Variants in SNX27 observed in about 807,000 individuals in gnomAD.
The protein encoded by SNX27 is sorting nexin-27.
A neutral mutation model predicts 71.6 loss-of-function variants in SNX27; 22 were observed. The observed-to-expected ratio is 0.31, with a 90% CI of 0.22 to 0.44. The LOEUF is 0.44. Among genes scored for constraint, SNX27 ranks in the 20% least tolerant of loss-of-function variants. The pLI is 1.00. For missense variants in SNX27, 531 were observed against 698.6 expected (o/e 0.76, Z 2.70); for synonymous variants, 269 against 277.2 (o/e 0.97, Z 0.29).
chr1:151,648,085 C>T (rs1669140413), intron 2 of SNX27, among the ~76,000 whole-genome samples: 2 of 151,560 alleles, frequency 1.3e-5, no homozygotes, highest in South Asian at 4.1e-4. Context: ...GGTGGAGTCT[C>T]ACTCTGTCAC....
chr1:151,630,670 CAT>C (rs1558039699), intron 1 of SNX27, among the ~76,000 whole-genome samples: 1 of 152,192 alleles, frequency 6.6e-6, no homozygotes, highest in East Asian at 1.9e-4. Context: ...ATTGCTTACA[CAT>C]GTCTAATCTT....
At chr1:151,644,489 A>T (rs1237849548) in intron 2 of SNX27, among the ~76,000 whole-genome samples, 1 of 152,198 alleles carries the variant, frequency 6.6e-6, no homozygotes, top group Non-Finnish European at 1.5e-5. Flanking sequence ...CATTATATGG[A>T]TATACCACTT....
chr1:151,670,651 G>A (rs1366061358), intron 7 of SNX27, among the ~76,000 whole-genome samples: 2 of 151,848 alleles, frequency 1.3e-5, no homozygotes, highest in Non-Finnish European at 2.9e-5. Context: ...TTCCTGTTGA[G>A]TTGTTTGAGC....
At chr1:151,677,130 T>A (rs1670736648) in intron 7 of SNX27, 1 of 152,196 alleles carries the variant, frequency 6.6e-6, no homozygotes, top group South Asian at 2.1e-4. Flanking sequence ...TAATAATTTT[T>A]AACCCATTTC....
At chr1:151,652,409 T>G (rs1669454465) in intron 2 of SNX27, among the ~76,000 whole-genome samples, 1 of 148,614 alleles carries the variant, frequency 6.7e-6, no homozygotes, top group Non-Finnish European at 1.5e-5. Flanking sequence ...ACGCCTTTTT[T>G]TTTTTTTTTT....
chr1:151,630,749 T>G (rs889221403), intron 1 of SNX27, among the ~76,000 whole-genome samples: 1 of 152,124 alleles, frequency 6.6e-6, no homozygotes, highest in African/African-American at 2.4e-5. Flanking sequence ...AAGAATATTC[T>G]TCGGCCGGGC....
At chr1:151,690,226 A>G (rs1352258834) in intron 8 of SNX27, among the ~76,000 whole-genome samples, 1 of 152,216 alleles carries the variant, frequency 6.6e-6, no homozygotes, top group Non-Finnish European at 1.5e-5. Context: ...CAGCTTCGAT[A>G]GCCTTCGACT....
At chr1:151,651,304 A>G (rs1468759446) in intron 2 of SNX27, among the ~76,000 whole-genome samples, 2 of 137,964 alleles carry the variant, frequency 1.4e-5, no homozygotes, top group African/African-American at 5.6e-5. Flanking sequence ...TCCCTCCCAG[A>G]TGGGGCGGCT....
chr1:151,688,823 A>C (rs1671309383), intron 8 of SNX27, among the ~76,000 whole-genome samples: 1 of 151,812 alleles, frequency 6.6e-6, no homozygotes. Flanking sequence ...GTTTTTTCTG[A>C]TCCTCTCCTG....
Position 151,612,533 on chromosome 1 carries a change from C to T in SNX27, c.311+21C>T. 1 of 1,333,212 alleles carries T rather than the reference C, an allele frequency of 7.5e-7. No individual in the cohort carries two copies. The allele number at this position is 1,333,212 out of a possible 1,614,324, so 82.6% of individuals were successfully genotyped here. Reference sequence around the variant, plus strand: ...GAGGTGTGAGTATCGGGGCTACCCGCCGCCCCATCCTCCCCGCGCCCCTCC... The same window carrying T: ...GAGGTGTGAGTATCGGGGCTACCCGTCGCCCCATCCTCCCCGCGCCCCTCC... On this transcript the variant is annotated intron_variant, in intron 1 of 11. Coordinates refer to ENST00000458013, the MANE Select transcript of SNX27 (RefSeq NM_001330723.2). This position sits in a 1 kb window ranked among gnomAD's most constrained non-coding sequence, Gnocchi z 5.2.
chr1:151,656,223 CAA>C (rs71093203), intron 2 of SNX27, among the ~76,000 whole-genome samples: 6 of 77,456 alleles, frequency 7.7e-5, no homozygotes, highest in African/African-American at 2.6e-4. Flanking sequence ...GACTCCGTCT[CAA>C]AAAAAAAAAA....
At chr1:151,635,428 G>A (rs1439753462) in intron 1 of SNX27, among the ~76,000 whole-genome samples, 1 of 152,158 alleles carries the variant, frequency 6.6e-6, no homozygotes. Context: ...CCTGAAGTCT[G>A]TACTGCTGAA....
intron 1 of SNX27, among the ~76,000 whole-genome samples, chr1:151,618,668 G>C (rs1003383575): frequency 2.0e-5 from 3 of 152,142 alleles, no homozygotes; most frequent in African/African-American, 7.2e-5. Flanking sequence ...TTGTAGATAA[G>C]CAAAGAGACT....
At chr1:151,631,624 T>A (rs1668239090) in intron 1 of SNX27, among the ~76,000 whole-genome samples, 1 of 152,230 alleles carries the variant, frequency 6.6e-6, no homozygotes, top group South Asian at 2.1e-4. Flanking sequence ...GGATATTATT[T>A]GGCTGAACAA....
At chr1:151,616,798 G>T (rs1667444337) in intron 1 of SNX27, among the ~76,000 whole-genome samples, 1 of 152,192 alleles carries the variant, frequency 6.6e-6, no homozygotes, top group Admixed American at 6.5e-5. Context: ...AGGCTTTAGG[G>T]TACATGAGAA....
intron 1 of SNX27, among the ~76,000 whole-genome samples, chr1:151,619,472 T>C (rs1020026497): frequency 7.2e-5 from 11 of 152,216 alleles, no homozygotes; most frequent in African/African-American, 2.7e-4. Context: ...GCTAATTTTT[T>C]GTATTTTTTG....
intron 1 of SNX27, among the ~76,000 whole-genome samples, chr1:151,632,365 C>T (rs1183048518): frequency 6.6e-6 from 1 of 151,966 alleles, no homozygotes; most frequent in Non-Finnish European, 1.5e-5. Context: ...ACCATGTTGG[C>T]CAGGCTGGTC....
intron 1 of SNX27, among the ~76,000 whole-genome samples, chr1:151,637,253 A>G (rs1344502777): frequency 6.9e-6 from 1 of 144,812 alleles, no homozygotes; most frequent in Non-Finnish European, 1.5e-5. Context: ...ATCTGGGCTC[A>G]CTGCAAGCTC....
In SNX27 at chr1:151,696,463, T is replaced by TTCTC. The variant is rs891216052; in HGVS notation, c.*2049_*2050insCTCT. On this transcript the variant is annotated 3_prime_UTR_variant, in exon 12 of 12. Coordinates refer to ENST00000458013, the MANE Select transcript of SNX27 (RefSeq NM_001330723.2). ...TTGCAAATCATTGTGAGGCCACTTT[T>TTCTC]TCTTTCTTTCTTTCTTTCTTTCTTT... 1 of 47,770 alleles carries TTCTC rather than the reference T, an allele frequency of 2.1e-5. No individual in the cohort carries two copies. The highest frequency in any genetic ancestry group is 6.2e-5 in the African/African-American group (1 of 16,242). 3.0% of individuals were successfully genotyped at this position (47,770 alleles called of 1,614,324 possible).
Sources: gnomAD v4.1 joint callset for allele counts (sites outside exome capture counted in the v4.1 genomes callset) on GRCh38, gnomAD v4.1.1 for gene constraint, Gnocchi (gnomAD v3.1) non-coding constraint, MANE v1.5 for transcripts, NCBI Gene and HGNC (gene_info 2026-07-23, HGNC 2026-07-21) for gene names.